Variants in FSTL5 observed in about 807,000 individuals in gnomAD.
FSTL5 encodes the protein follistatin like 5.
Under a neutral mutation model 89.1 loss-of-function variants are expected in FSTL5, and 62 were observed. That is an observed-to-expected ratio of 0.70 (90% CI 0.57 to 0.86). The LOEUF is 0.86. FSTL5 is among the 40% of genes least tolerant of loss of function. FSTL5 has a pLI of 0.00. For synonymous variants in FSTL5, 383 were observed against 346.2 expected, an observed-to-expected ratio of 1.11 and a Z score of -1.18; for missense variants, 1,057 against 1,001.6, an observed-to-expected ratio of 1.06 and a Z score of -0.75.
At chr4:162,113,693 T>G (rs1379391088) in intron 1 of FSTL5, among the ~76,000 whole-genome samples, 2 of 152,228 alleles carry the variant, frequency 1.3e-5, no homozygotes, top group African/African-American at 4.8e-5. Context: ...GTCTCTGCTA[T>G]AAGGCTTTTG....
intron 4 of FSTL5, among the ~76,000 whole-genome samples, chr4:161,906,112 T>C (rs1733514789): frequency 6.6e-6 from 1 of 151,606 alleles, no homozygotes; most frequent in Non-Finnish European, 1.5e-5. Context: ...TAGTTATCAG[T>C]GGTTAAAGTA....
Position 161,973,794 on chromosome 4 carries a change from A to G in FSTL5, c.161-53142T>C, listed in dbSNP as rs1007738348. On this transcript the variant is annotated intron_variant, in intron 3 of 15. Transcript: ENST00000306100. The stretch of plus-strand genomic sequence containing the variant: ...TACTATTGAGCAATCAAATAAAGGT[A>G]GGGGCCAAGTCAGAGTCACTTAAAA... Among the ~76,000 whole-genome samples the G allele has an allele frequency of 2.0e-5, 3 of 152,296 alleles. No homozygotes were observed. The East Asian group carries it at 5.8e-4, about 29-fold the overall frequency.
At chr4:162,148,951 A>T (rs1028092185) in intron 1 of FSTL5, among the ~76,000 whole-genome samples, 19 of 152,206 alleles carry the variant, frequency 1.2e-4, no homozygotes, top group African/African-American at 4.6e-4. Flanking sequence ...CCAAGCAATC[A>T]ATCAAACAAA....
At chr4:161,911,268 C>T in intron 4 of FSTL5, among the ~76,000 whole-genome samples, 1 of 151,686 alleles carries the variant, frequency 6.6e-6, no homozygotes, top group Admixed American at 6.6e-5. Flanking sequence ...AATTATTATT[C>T]TATATATATA....
intron 10 of FSTL5, among the ~76,000 whole-genome samples, chr4:161,520,923 T>C (rs912913741): frequency 6.6e-6 from 1 of 152,244 alleles, no homozygotes; most frequent in African/African-American, 2.4e-5. Flanking sequence ...TCCTGTTGAA[T>C]TGGAATATTT....
chr4:162,104,584 T>A (rs1277915595), intron 2 of FSTL5, among the ~76,000 whole-genome samples: 1 of 152,200 alleles, frequency 6.6e-6, no homozygotes, highest in Admixed American at 6.5e-5. Flanking sequence ...TGTAACATAC[T>A]CTATGGTGTG....
At chr4:162,042,958 AG>A (rs1415189935) in intron 2 of FSTL5, among the ~76,000 whole-genome samples, 7 of 69,158 alleles carry the variant, frequency 1.0e-4, no homozygotes, top group Non-Finnish European at 1.6e-4. Flanking sequence ...GGGTGGGGGG[AG>A]GGGGGAGGGA....
At chr4:161,616,574 G>A (rs1443481048) in intron 7 of FSTL5, among the ~76,000 whole-genome samples, 1 of 152,104 alleles carries the variant, frequency 6.6e-6, no homozygotes, top group Non-Finnish European at 1.5e-5. Flanking sequence ...TTCACCTTGT[G>A]ATTGTGTGAG....
chr4:161,947,142 A>ATGTATGTGTG (rs1734758841), intron 3 of FSTL5, among the ~76,000 whole-genome samples: 1 of 148,476 alleles, frequency 6.7e-6, no homozygotes, highest in African/African-American at 2.5e-5. Context: ...GTGTGTGTGT[A>ATGTATGTGTG]TGTGTGTGTG....
At chr4:161,757,419 AC>A (rs1740613315) in intron 6 of FSTL5, among the ~76,000 whole-genome samples, 1 of 151,878 alleles carries the variant, frequency 6.6e-6, no homozygotes, top group Non-Finnish European at 1.5e-5. Flanking sequence ...TTTTTCCCTG[AC>A]AAACCACATT....
At chr4:161,853,238 T>C (rs573836189) in intron 4 of FSTL5, among the ~76,000 whole-genome samples, 1 of 152,248 alleles carries the variant, frequency 6.6e-6, no homozygotes, top group Non-Finnish European at 1.5e-5. Context: ...ATCATGTAGA[T>C]TAATAAATGT....
At chr4:161,717,098 T>A (rs966284578) in intron 6 of FSTL5, among the ~76,000 whole-genome samples, 13 of 152,210 alleles carry the variant, frequency 8.5e-5, no homozygotes, top group Non-Finnish European at 1.9e-4. Flanking sequence ...TAATTGTTTT[T>A]GGTAGGTGGT....
rs577490926 is a variant in FSTL5 at position 161,399,263 on chromosome 4, C to A, written c.1842-12814G>T. Among the ~76,000 whole-genome samples, 6 of 152,124 alleles carry A rather than the reference C, an allele frequency of 3.9e-5. No homozygotes were observed. In the East Asian group the frequency reaches 5.8e-4, roughly 15 times the overall value. On this transcript the variant is annotated intron_variant, in intron 15 of 15. Coordinates refer to ENST00000306100, the MANE Select transcript of FSTL5 (RefSeq NM_020116.5). ...AAACCTGCTCATAACTTTTCACTCC[C>A]CAGAAACGTAATTACTAAGAGCCTA...
chr4:161,886,927 C>T (rs111530689), intron 4 of FSTL5, among the ~76,000 whole-genome samples: 1,631 of 152,194 alleles, frequency 0.011, 27 homozygotes, highest in African/African-American at 0.038. Flanking sequence ...TGATTGTAAA[C>T]CTTGATTATA....
At chr4:161,514,935 G>T (rs1025757132) in intron 10 of FSTL5, among the ~76,000 whole-genome samples, 3 of 151,838 alleles carry the variant, frequency 2.0e-5, no homozygotes, top group Non-Finnish European at 4.4e-5. Context: ...ATATATTGAT[G>T]GTTTACTAGA....
intron 6 of FSTL5, among the ~76,000 whole-genome samples, chr4:161,721,207 A>G (rs1338747372): frequency 1.2e-4 from 17 of 139,952 alleles, no homozygotes; most frequent in Non-Finnish European, 2.1e-4. Flanking sequence ...GAACCCGGGA[A>G]GCGGAGCTTG....
Position 162,090,880 on chromosome 4 carries a change from T to G in FSTL5, c.126+20391A>C, listed in dbSNP as rs191895960. ...ACATTTACCAACATCTTTACATTCC[T>G]TTTTCTTAAGACCTTTCCAAAGATT... is the stretch of plus-strand genomic sequence containing the variant. On this transcript the variant is annotated intron_variant, in intron 2 of 15. Transcript: ENST00000306100. 4.7e-4 allele frequency among the ~76,000 whole-genome samples: 71 copies of G among 152,026 alleles called. 1 individual carries two copies. Among genetic ancestry groups the G allele is most frequent in the South Asian group, 8.3e-4 (4 of 4,792 alleles).
chr4:161,536,123 T>A (rs187511118), intron 10 of FSTL5, among the ~76,000 whole-genome samples: 1 of 152,016 alleles, frequency 6.6e-6, no homozygotes, highest in Non-Finnish European at 1.5e-5. Context: ...GGCTGAAAGA[T>A]AATCTATTGG....
At chr4:161,627,210 T>TA (rs1278268613) in intron 7 of FSTL5, among the ~76,000 whole-genome samples, 3 of 152,148 alleles carry the variant, frequency 2.0e-5, no homozygotes, top group Admixed American at 2.0e-4. Flanking sequence ...TTGTCTTATT[T>TA]TACAAAATTG....
Sources: allele counts gnomAD v4.1 joint callset (sites outside exome capture counted in the v4.1 genomes callset), GRCh38; gene constraint gnomAD v4.1.1; transcripts MANE v1.5; gene names NCBI Gene and HGNC (gene_info 2026-07-23, HGNC 2026-07-21).